The following GALNT7 variants were observed in gnomAD, a reference collection of about 807,000 sequenced individuals.
The protein encoded by GALNT7 is N-acetylgalactosaminyltransferase 7.
GALNT7 carries 60 observed loss-of-function variants against 82.1 expected under a neutral mutation model. The observed-to-expected ratio is 0.73, with a 90% confidence interval of 0.59 to 0.91. The LOEUF (loss-of-function observed/expected upper bound fraction) is 0.91. GALNT7 is among the 40% of genes least tolerant of loss of function. The probability of loss-of-function intolerance (pLI) is 0.00; values close to 1 mark genes in which losing one functional copy is unlikely to be tolerated. For missense variants in GALNT7, 660 were observed against 804.2 expected (o/e 0.82, Z 2.17); for synonymous variants, 243 against 275.1 (o/e 0.88, Z 1.15).
rs545197552 is a variant in GALNT7 at position 173,320,429 on chromosome 4, C to T, written c.1837-1151C>T. ...TTAATGAAAAATAACTATGTTTACCCACAAAAAATAGTGAGAAGAATGGAA... is the reference window on the plus strand; with the variant it reads ...TTAATGAAAAATAACTATGTTTACCTACAAAAAATAGTGAGAAGAATGGAA... On this transcript the variant is annotated intron_variant, in intron 11 of 11. Coordinates refer to ENST00000265000, the MANE Select transcript of GALNT7 (RefSeq NM_017423.3). The surrounding 1 kb of genome is among the most constrained non-coding windows in gnomAD (Gnocchi z 4.1). 6.6e-6 allele frequency among the ~76,000 whole-genome samples: 1 copy of T among 151,848 alleles called. No individual in the cohort carries two copies. Among genetic ancestry groups the T allele is most frequent in the African/African-American group, 2.4e-5 (1 of 41,430 alleles).
At chr4:173,206,981 G>A (rs1208946109) in intron 1 of GALNT7, among the ~76,000 whole-genome samples, 1 of 152,182 alleles carries the variant, frequency 6.6e-6, no homozygotes, top group East Asian at 1.9e-4. Context: ...TGTCCCTGTG[G>A]CCATCACCAG....
intron 1 of GALNT7, among the ~76,000 whole-genome samples, chr4:173,185,495 T>C (rs1160635602): frequency 1.3e-5 from 2 of 152,152 alleles, no homozygotes; most frequent in African/African-American, 4.8e-5. Flanking sequence ...TCATACTTGA[T>C]TGAGAGAAAT....
At chr4:173,301,993 A>G in intron 6 of GALNT7, 54 bp from the exon 7 acceptor site, 1 of 824,704 alleles carries the variant, frequency 1.2e-6, no homozygotes, top group African/African-American at 1.7e-5. Flanking sequence ...CCTATTGGTG[A>G]AGGGTTATTG....
At chr4:173,174,214 G>A (rs537479533) in intron 1 of GALNT7, among the ~76,000 whole-genome samples, 1 of 151,954 alleles carries the variant, frequency 6.6e-6, no homozygotes, top group Non-Finnish European at 1.5e-5. Flanking sequence ...AGAAGTCTGG[G>A]GTTTATAGAC....
intron 5 of GALNT7, among the ~76,000 whole-genome samples, chr4:173,297,640 G>A (rs771873006): frequency 3.3e-5 from 5 of 152,072 alleles, no homozygotes; most frequent in Non-Finnish European, 7.4e-5. Context: ...CAGGCTTTTC[G>A]GCTTTTATGG....
rs1249737765 is a variant in GALNT7, at chr4:173,320,966, A to G, written c.1837-614A>G. The stretch of plus-strand genomic sequence containing the variant: ...TAAGGCACCATCAGTTTTACTCACC[A>G]TTGCTTTTGCACTATCGGTATAAAT... On this transcript the variant is annotated intron_variant, in intron 11 of 11. Transcript: ENST00000265000. The surrounding 1 kb of genome is among the most constrained non-coding windows in gnomAD (Gnocchi z 4.1). 2.0e-5 allele frequency among the ~76,000 whole-genome samples: 3 copies of G among 152,178 alleles called. No homozygotes were observed. The highest frequency in any genetic ancestry group is 7.2e-5 in the African/African-American group (3 of 41,466).
At chr4:173,217,684 T>C (rs1733514379) in intron 1 of GALNT7, among the ~76,000 whole-genome samples, 2 of 152,346 alleles carry the variant, frequency 1.3e-5, no homozygotes, top group East Asian at 3.9e-4. Context: ...TTTTTGCCAT[T>C]CATAATTTTT....
Position 173,169,996 on chromosome 4 carries a change from G to C in GALNT7, c.126+1035G>C, listed in dbSNP as rs978192428. ...GTTAGCGCTGACATTCCTTGGATTT[G>C]GAGGGTTTAGTCAGGCGCCTCGGAA... On this transcript the variant is annotated intron_variant, in intron 1 of 11. Coordinates refer to ENST00000265000, the MANE Select transcript of GALNT7 (RefSeq NM_017423.3). Among the ~76,000 whole-genome samples, 9 of 152,124 alleles carry C rather than the reference G, an allele frequency of 5.9e-5. No individual in the cohort carries two copies. The South Asian group carries it at 6.2e-4, about 10-fold the overall frequency.
At chr4:173,313,839 G>C in intron 8 of GALNT7, 119 bp from the exon 9 acceptor site, 1 of 405,684 alleles carries the variant, frequency 2.5e-6, no homozygotes, top group South Asian at 7.8e-5. Flanking sequence ...TTAAATGCCA[G>C]GTCCTGTTGA....
chr4:173,304,176 A>G (rs542598327), intron 8 of GALNT7, 58 bp downstream of exon 8: 2 of 1,466,812 alleles, frequency 1.4e-6, no homozygotes, highest in East Asian at 4.7e-5. Context: ...ACCACATGCT[A>G]TAGTAGTTAC....
chr4:173,176,622 T>C (rs933011230), intron 1 of GALNT7, among the ~76,000 whole-genome samples: 1 of 152,200 alleles, frequency 6.6e-6, no homozygotes, highest in Admixed American at 6.5e-5. Context: ...CTGAGTCCTG[T>C]GGGAGCACAG....
Position 173,292,369 on chromosome 4 carries a change from A to G in GALNT7, c.754+95A>G. On this transcript the variant is annotated intron_variant, in intron 3 of 11. Transcript: ENST00000265000. This position sits in a 1 kb window ranked among gnomAD's most constrained non-coding sequence, Gnocchi z 4.8. ...TCAAAATAATTAGCTTTAAAAAATT[A>G]ATAGCATCTATTGATAGCATCTGTT... The G allele has an allele frequency of 1.4e-6, 1 of 723,740 alleles. No homozygotes were observed. Among genetic ancestry groups the G allele is most frequent in the Middle Eastern group, 3.9e-4 (1 of 2,564 alleles). 44.8% of individuals were successfully genotyped at this position (723,740 alleles called of 1,614,324 possible). A position where few individuals can be genotyped will look rare whatever the true frequency, so the allele number is the denominator to read the frequency against.
At chr4:173,225,817 G>A (rs1217310298) in intron 1 of GALNT7, among the ~76,000 whole-genome samples, 1 of 152,148 alleles carries the variant, frequency 6.6e-6, no homozygotes, top group African/African-American at 2.4e-5. Flanking sequence ...ATTGATCTCT[G>A]GGGATCAATA....
intron 1 of GALNT7, among the ~76,000 whole-genome samples, chr4:173,203,387 A>G (rs1378138474): frequency 6.6e-6 from 1 of 152,214 alleles, no homozygotes; most frequent in African/African-American, 2.4e-5. Context: ...CACCGTGCCC[A>G]GCCAGGTCTT....
chr4:173,320,762 C>T lies in GALNT7; in HGVS notation c.1837-818C>T, dbSNP rs1170305980. ...CCTCATTATATGGAAGTACTTGATA[C>T]GTACTTCCCACTTCATCTCATAGAA... On this transcript the variant is annotated intron_variant, in intron 11 of 11. Coordinates refer to ENST00000265000, the MANE Select transcript of GALNT7 (RefSeq NM_017423.3). The surrounding 1 kb of genome is among the most constrained non-coding windows in gnomAD (Gnocchi z 4.1). 2.0e-5 allele frequency among the ~76,000 whole-genome samples: 3 copies of T among 152,040 alleles called. No individual in the cohort carries two copies. Among genetic ancestry groups the T allele is most frequent in the Non-Finnish European group, 2.9e-5 (2 of 68,000 alleles).
At position 173,295,717 on chromosome 4, in the gene GALNT7, T is replaced by C. The variant is rs1736696930; in HGVS notation, c.886-47T>C. The C allele has an allele frequency of 1.1e-5, 14 of 1,228,816 alleles. No individual in the cohort carries two copies. The East Asian group carries it at 3.2e-4, about 29-fold the overall frequency. The allele number at this position is 1,228,816 out of a possible 1,614,324, so 76.1% of individuals were successfully genotyped here. On this transcript the variant is annotated intron_variant, in intron 4 of 11. Transcript: ENST00000265000. ...ATTTTAAATTGTGTGTAATATATGATGTAACGTATATGAGGAGTATTCTTT... is the reference window on the plus strand; with the variant it reads ...ATTTTAAATTGTGTGTAATATATGACGTAACGTATATGAGGAGTATTCTTT...
intron 1 of GALNT7, among the ~76,000 whole-genome samples, chr4:173,176,233 G>A (rs1732038492): frequency 1.3e-5 from 2 of 152,182 alleles, no homozygotes; most frequent in South Asian, 4.1e-4. Context: ...GAACAGAAGT[G>A]CAAAATTCCT....
chr4:173,242,176 G>T (rs552786769), intron 1 of GALNT7, among the ~76,000 whole-genome samples: 3 of 152,074 alleles, frequency 2.0e-5, no homozygotes, highest in Admixed American at 2.0e-4. Context: ...TTACCCTTTG[G>T]TTTATATCTT....
Position 173,287,642 on chromosome 4 carries a change from C to T in GALNT7, c.588-4466C>T, listed in dbSNP as rs1013552998. 6.6e-5 allele frequency among the ~76,000 whole-genome samples: 10 copies of T among 152,306 alleles called. 1 individual carries two copies. Among genetic ancestry groups the T allele is most frequent in the East Asian group, 3.9e-4 (2 of 5,180 alleles). On this transcript the variant is annotated intron_variant, in intron 2 of 11. Transcript: ENST00000265000. ...CCCAGTGACCATCCTTCATAGGTGC[C>T]GCCCCATGTTTGCAAGTATGACCTT...
Sources: allele counts gnomAD v4.1 joint callset (sites outside exome capture counted in the v4.1 genomes callset), GRCh38; gene constraint gnomAD v4.1.1; non-coding constraint Gnocchi (gnomAD v3.1); transcripts MANE v1.5; gene names NCBI Gene and HGNC (gene_info 2026-07-23, HGNC 2026-07-21).